Variants in SLC7A1 observed in about 807,000 individuals in gnomAD.
SLC7A1 encodes solute carrier family 7 member 1, also known as high affinity cationic amino acid transporter 1.
In SLC7A1, 10 loss-of-function variants were observed where a neutral mutation model predicts 53.9. The ratio of observed to expected loss-of-function variants is 0.19; its 90% confidence interval spans 0.11 to 0.31. The LOEUF (loss-of-function observed/expected upper bound fraction) is 0.31. Among genes scored for constraint, SLC7A1 ranks in the 10% least tolerant of loss-of-function variants. The pLI, the probability that SLC7A1 is intolerant of heterozygous loss-of-function variation, is 1.00. For missense variants in SLC7A1, 525 were observed against 827.2 expected, an observed-to-expected ratio of 0.63 and a Z score of 4.48; for synonymous variants, 342 against 338.7, an observed-to-expected ratio of 1.01 and a Z score of -0.11.
Position 29,522,344 on chromosome 13 carries a change from C to T in SLC7A1, c.1162G>A (p.Ala388Thr), listed in dbSNP as rs995993379. Reference protein sequence around the residue: ...VNDRTKTPIIATLASGAVAAV... With the variant: ...VNDRTKTPIITTLASGAVAAV... ...GCAACGGCACCCGAGGCTAATGTGG[C>T]GATTATTGGTGTTTTGGTCCTATCA... Residue 388 changes from alanine to threonine, a missense_variant, in exon 8 of 13, where the codon GCC becomes ACC. This residue lies in a region of SLC7A1 where 354 missense variants were observed against 587.5 expected (regional missense o/e 0.60). Coordinates refer to ENST00000380752, the MANE Select transcript of SLC7A1 (RefSeq NM_003045.5). 3 of 1,614,134 alleles carry T rather than the reference C, an allele frequency of 1.9e-6. No homozygotes were observed. Among genetic ancestry groups the T allele is most frequent in the East Asian group, 2.2e-5 (1 of 44,884 alleles).
chr13:29,519,572 A>C, intron 8 of SLC7A1, 23 bp from the exon 9 acceptor site: 1 of 1,457,290 alleles, frequency 6.9e-7, no homozygotes, highest in Non-Finnish European at 9.6e-7. Flanking sequence ...AGACACCAGG[A>C]TCTGTGGAGG....
At chr13:29,560,945 A>C (rs1326790035) in intron 1 of SLC7A1, among the ~76,000 whole-genome samples, 1 of 152,198 alleles carries the variant, frequency 6.6e-6, no homozygotes, top group Non-Finnish European at 1.5e-5. Flanking sequence ...ACTTATAAGA[A>C]CCACTAAAAA....
chr13:29,538,538 C>T (rs1301769735), intron 2 of SLC7A1, among the ~76,000 whole-genome samples: 3 of 152,140 alleles, frequency 2.0e-5, no homozygotes. Flanking sequence ...TAAGTGAGAG[C>T]CTCCGAGTGG....
At chr13:29,529,183 A>G (rs926388156) in intron 5 of SLC7A1, among the ~76,000 whole-genome samples, 1 of 152,238 alleles carries the variant, frequency 6.6e-6, no homozygotes, top group Admixed American at 6.5e-5. Flanking sequence ...AGAGTTTAGG[A>G]AAGCAGTTTT....
intron 1 of SLC7A1, among the ~76,000 whole-genome samples, chr13:29,585,455 T>C (rs916018082): frequency 6.6e-6 from 1 of 152,194 alleles, no homozygotes; most frequent in Non-Finnish European, 1.5e-5. Flanking sequence ...AAATGAGTAC[T>C]GTTTCATAAA....
At position 29,573,397 on chromosome 13, in the gene SLC7A1, G is replaced by A. The variant is rs1157555168; in HGVS notation, c.-114-19537C>T. On this transcript the variant is annotated intron_variant, in intron 1 of 12. Coordinates refer to ENST00000380752, the MANE Select transcript of SLC7A1 (RefSeq NM_003045.5). ...AAAGAAGGCAGCTGTTACCAGAATC[G>A]CGGGGAACACCACACTCTGGCAGCT... 3.9e-5 allele frequency among the ~76,000 whole-genome samples: 6 copies of A among 152,270 alleles called. No individual in the cohort carries two copies. In the East Asian group the frequency reaches 5.8e-4, roughly 15 times the overall value.
chr13:29,537,754 G>A (rs898937238), intron 2 of SLC7A1, among the ~76,000 whole-genome samples: 2 of 152,118 alleles, frequency 1.3e-5, no homozygotes, highest in Non-Finnish European at 2.9e-5. Flanking sequence ...ATATGCTATC[G>A]TCATGACTTT....
chr13:29,531,558 G>A (rs1199156690), intron 4 of SLC7A1, among the ~76,000 whole-genome samples: 7 of 152,210 alleles, frequency 4.6e-5, no homozygotes, highest in Admixed American at 3.9e-4. Context: ...ATAAAAATTG[G>A]CTAGGTGCGG....
At chr13:29,575,623 C>A (rs1411069512) in intron 1 of SLC7A1, among the ~76,000 whole-genome samples, 3 of 152,230 alleles carry the variant, frequency 2.0e-5, no homozygotes, top group Non-Finnish European at 4.4e-5. Context: ...CGTAAAATAT[C>A]TACTTTTAGG....
rs2482087 is a variant in SLC7A1, at chr13:29,510,036, G to A, written c.*4444C>T. On this transcript the variant is annotated 3_prime_UTR_variant, in exon 13 of 13. Transcript: ENST00000380752. The stretch of plus-strand genomic sequence containing the variant: ...CCTTGTTAATAAATTAACAGTCTGA[G>A]TGCATCTTTCCATCCTGCTTCCTGA... 146,479 of 152,774 alleles carry A rather than the reference G, an allele frequency of 0.96. 70,345 individuals carry two copies. The highest frequency in any genetic ancestry group is 0.99 in the Non-Finnish European group (67,066 of 68,052). 9.5% of individuals were successfully genotyped at this position (152,774 alleles called of 1,614,324 possible). A position where few individuals can be genotyped will look rare whatever the true frequency, so the allele number is the denominator to read the frequency against.
intron 1 of SLC7A1, among the ~76,000 whole-genome samples, chr13:29,590,736 C>T (rs572108126): frequency 6.6e-6 from 1 of 152,252 alleles, no homozygotes; most frequent in South Asian, 2.1e-4. Context: ...AATTTAGAAA[C>T]CCACCCAAGG....
At chr13:29,550,763 GCT>G (rs1193856274) in intron 2 of SLC7A1, among the ~76,000 whole-genome samples, 3 of 151,158 alleles carry the variant, frequency 2.0e-5, no homozygotes, top group African/African-American at 7.4e-5. Context: ...CGCCAGCTGA[GCT>G]CTGACTCCTG....
intron 5 of SLC7A1, among the ~76,000 whole-genome samples, chr13:29,526,949 C>A (rs1789635789): frequency 1.3e-5 from 2 of 152,160 alleles, no homozygotes; most frequent in Non-Finnish European, 2.9e-5. Flanking sequence ...CTGACTGTGA[C>A]CCTGCCACAC....
rs3837578 is a variant in SLC7A1 at position 29,534,804 on chromosome 13, GA to G, written c.370+1014del. Among the ~76,000 whole-genome samples the G allele has an allele frequency of 6.6e-4, 100 of 151,632 alleles. 1 individual carries two copies. Among genetic ancestry groups the G allele is most frequent in the Middle Eastern group, 3.4e-3 (1 of 294 alleles). On this transcript the variant is annotated intron_variant, in intron 3 of 12. Coordinates refer to ENST00000380752, the MANE Select transcript of SLC7A1 (RefSeq NM_003045.5). Reference sequence around the variant, plus strand: ...TTTTCGCTATTACCAAAAAGTTTGAGAAAAAAAAAAATAAATGGCATGTTGA... The same window carrying G: ...TTTTCGCTATTACCAAAAAGTTTGAGAAAAAAAAAATAAATGGCATGTTGA...
At position 29,536,036 on chromosome 13, in the gene SLC7A1, G is replaced by A. The variant is rs143518767; in HGVS notation, c.153C>T (p.Tyr51=). ...GVGSTLGAGV[Y]VLAGAVAREN... ...CACGGGCCACAGCTCCAGCCAGGAC[G>A]TAGACACCAGCACCCAGTGTGCTGC... Residue 51 remains tyrosine, a synonymous_variant, in exon 3 of 13, where the codon TAC becomes TAT. Coordinates refer to ENST00000380752, the MANE Select transcript of SLC7A1 (RefSeq NM_003045.5). 26 of 1,613,844 alleles carry A rather than the reference G, an allele frequency of 1.6e-5. No homozygotes were observed. Among genetic ancestry groups the A allele is most frequent in the African/African-American group, 6.7e-5 (5 of 74,920 alleles).
chr13:29,548,573 T>C (rs916815056), intron 2 of SLC7A1, among the ~76,000 whole-genome samples: 23 of 152,216 alleles, frequency 1.5e-4, no homozygotes, highest in Admixed American at 3.9e-4. Context: ...CCATAAAACA[T>C]GATCTTGGGC....
intron 2 of SLC7A1, among the ~76,000 whole-genome samples, chr13:29,541,188 G>C (rs1239581240): frequency 6.6e-6 from 1 of 152,192 alleles, no homozygotes; most frequent in Non-Finnish European, 1.5e-5. Flanking sequence ...AGGCCCAGGT[G>C]CAAGAACTTA....
At chr13:29,522,593 G>T in intron 7 of SLC7A1, 137 bp from the exon 8 acceptor site, 1 of 799,062 alleles carries the variant, frequency 1.3e-6, no homozygotes, top group Non-Finnish European at 2.0e-6. Flanking sequence ...CACGCTGGGT[G>T]AGGCCTGTGG....
intron 2 of SLC7A1, among the ~76,000 whole-genome samples, chr13:29,551,948 C>G (rs1467757358): frequency 6.6e-6 from 1 of 152,086 alleles, no homozygotes; most frequent in African/African-American, 2.4e-5. Flanking sequence ...TTACTTATAG[C>G]CTAATCCTCC....
Sources: gnomAD v4.1 joint callset for allele counts (sites outside exome capture counted in the v4.1 genomes callset) on GRCh38, gnomAD v4.1.1 for gene constraint, gnomAD v4.1.1 regional missense constraint, MANE v1.5 for transcripts, NCBI Gene and HGNC (gene_info 2026-07-23, HGNC 2026-07-21) for gene names.